Variants in PDE3B observed in about 807,000 individuals in gnomAD.
The protein encoded by PDE3B is phosphodiesterase 3B.
PDE3B carries 66 observed loss-of-function variants against 116.8 expected under a neutral mutation model. That is an observed-to-expected ratio of 0.56 (90% CI 0.46 to 0.69). PDE3B has a LOEUF of 0.69. PDE3B is among the 30% of genes least tolerant of loss of function. PDE3B has a pLI of 0.00. For missense variants in PDE3B, 1,384 were observed against 1,368.1 expected, an observed-to-expected ratio of 1.01 and a Z score of -0.18; for synonymous variants, 595 against 533.6, an observed-to-expected ratio of 1.12 and a Z score of -1.59.
At chr11:14,828,795 C>T (rs1398138362) in intron 7 of PDE3B, among the ~76,000 whole-genome samples, 1 of 152,166 alleles carries the variant, frequency 6.6e-6, no homozygotes, top group Non-Finnish European at 1.5e-5. Context: ...TCTGACCCAG[C>T]AATCCCATTA....
intron 4 of PDE3B, among the ~76,000 whole-genome samples, chr11:14,801,098 A>C (rs915905984): frequency 6.6e-6 from 1 of 152,120 alleles, no homozygotes; most frequent in Non-Finnish European, 1.5e-5. Flanking sequence ...GGATTAGAAC[A>C]TGCTCCTTTA....
chr11:14,786,634 CT>C lies in PDE3B; in HGVS notation c.1228del (p.Cys410ValfsTer4), dbSNP rs912632405. 1.9e-6 allele frequency: 3 copies of C among 1,612,498 alleles called. No individual in the cohort carries two copies. The highest frequency in any genetic ancestry group is 1.3e-5 in the African/African-American group (1 of 74,844). ...TCACACCATTTCCTGGATTTTACCC[CT>C]GTTCTGAAATAGAGGACCCAGCTGA... ...PLTPFPGFYPCSEIEDPAEKG... is the reference protein window; with the variant it reads ...PLTPFPGFYPXSEIEDPAEKG... On this transcript the variant is annotated frameshift_variant, in exon 3 of 16. Transcript: ENST00000282096. LOFTEE classifies it high-confidence loss of function.
chr11:14,890,967 G>C, the PDE3B span: 1 of 985,376 alleles, frequency 1.0e-6, no homozygotes, highest in Non-Finnish European at 1.2e-6. Flanking sequence ...GCCTGTGGCC[G>C]ATAATGAGAT....
At chr11:14,878,525 T>C in the PDE3B span, among the ~76,000 whole-genome samples, 2 of 152,272 alleles carry the variant, frequency 1.3e-5, no homozygotes, top group South Asian at 4.1e-4. Flanking sequence ...TGTAAGACTT[T>C]AGTTCCATCT....
At chr11:14,880,881 C>T in the PDE3B span, 2 of 979,238 alleles carry the variant, frequency 2.0e-6, no homozygotes, top group Non-Finnish European at 3.0e-6. Context: ...AATTGTCCTC[C>T]TATATAACTA....
intron 4 of PDE3B, among the ~76,000 whole-genome samples, chr11:14,802,102 T>C (rs1858789696): frequency 6.6e-6 from 1 of 152,234 alleles, no homozygotes; most frequent in Admixed American, 6.5e-5. Flanking sequence ...CCAGACCACT[T>C]GGCTCCCTGG....
At chr11:14,836,034 CA>C (rs1860042664) in intron 11 of PDE3B, among the ~76,000 whole-genome samples, 1 of 152,170 alleles carries the variant, frequency 6.6e-6, no homozygotes, top group Admixed American at 6.5e-5. Flanking sequence ...TTACTTTTTA[CA>C]TTTTGGTAGT....
chr11:14,853,114 G>GAC (rs34555721), intron 12 of PDE3B, among the ~76,000 whole-genome samples: 53,671 of 150,200 alleles, frequency 0.36, 10,839 homozygotes, highest in Admixed American at 0.46. Flanking sequence ...TGTTCTCCCT[G>GAC]CCCAGAGGGC....
chr11:14,882,788 T>C, the PDE3B span, among the ~76,000 whole-genome samples: 18 of 152,200 alleles, frequency 1.2e-4, no homozygotes, highest in African/African-American at 3.6e-4. Context: ...AAAACCCCAC[T>C]GTCTCAGCCC....
rs528196733 is a variant in PDE3B, at chr11:14,804,808, C to T, written c.1522+758C>T. Among the ~76,000 whole-genome samples the T allele has an allele frequency of 3.3e-3, 499 of 152,038 alleles. 2 individuals carry two copies. The highest frequency in any genetic ancestry group is 5.6e-3 in the Admixed American group (85 of 15,258). The stretch of plus-strand genomic sequence containing the variant: ...GAATAATGGCCAAAATGAATGGATA[C>T]TTCGAATAGAGAACTAGAACACATA... On this transcript the variant is annotated intron_variant, in intron 5 of 15. Transcript: ENST00000282096.
At chr11:14,771,292 G>C (rs1240326515) in intron 1 of PDE3B, among the ~76,000 whole-genome samples, 1 of 151,522 alleles carries the variant, frequency 6.6e-6, no homozygotes, top group Non-Finnish European at 1.5e-5. Flanking sequence ...TTATCTCCTT[G>C]GGCATAGTGA....
At chr11:14,676,037 T>A (rs1854522809) in intron 1 of PDE3B, among the ~76,000 whole-genome samples, 1 of 152,184 alleles carries the variant, frequency 6.6e-6, no homozygotes, top group Non-Finnish European at 1.5e-5. Flanking sequence ...ACATCCTCAC[T>A]AACATTTGAT....
chr11:14,844,961 G>C (rs1345536856), intron 12 of PDE3B, among the ~76,000 whole-genome samples: 7 of 152,204 alleles, frequency 4.6e-5, no homozygotes, highest in Admixed American at 3.9e-4. Flanking sequence ...AAATGTCCCC[G>C]TCTGACAGCT....
At chr11:14,730,840 CCTCTGTCA>C (rs1856436801) in intron 1 of PDE3B, among the ~76,000 whole-genome samples, 1 of 152,084 alleles carries the variant, frequency 6.6e-6, no homozygotes, top group Non-Finnish European at 1.5e-5. Context: ...TCAGATGTGA[CCTCTGTCA>C]CTCTGTCATC....
chr11:14,878,254 C>T, the PDE3B span: 2 of 1,613,000 alleles, frequency 1.2e-6, no homozygotes, highest in Non-Finnish European at 1.7e-6. Flanking sequence ...AAAACAAGAA[C>T]ATTTCCATCC....
the PDE3B span, chr11:14,891,155 A>C: frequency 7.1e-6 from 7 of 985,366 alleles, no homozygotes; most frequent in Admixed American, 4.3e-4. Context: ...ACACCCACAC[A>C]CAAGCGGTGG....
intron 1 of PDE3B, among the ~76,000 whole-genome samples, chr11:14,710,872 A>G (rs1855681031): frequency 1.3e-5 from 2 of 152,204 alleles, no homozygotes. Context: ...GATTTCTGTC[A>G]CTTGCAGTGA....
chr11:14,751,268 T>A (rs1196554436), intron 1 of PDE3B, among the ~76,000 whole-genome samples: 5 of 152,224 alleles, frequency 3.3e-5, no homozygotes, highest in African/African-American at 1.2e-4. Context: ...ACTTGCTAAG[T>A]CTTTCCAGGT....
At chr11:14,854,138 G>T (rs986221054) in intron 12 of PDE3B, among the ~76,000 whole-genome samples, 2 of 152,154 alleles carry the variant, frequency 1.3e-5, no homozygotes, top group African/African-American at 4.8e-5. Flanking sequence ...AATATTGACA[G>T]ATAAAACAAA....
Sources: allele counts gnomAD v4.1 joint callset (sites outside exome capture counted in the v4.1 genomes callset), GRCh38; gene constraint gnomAD v4.1.1; transcripts MANE v1.5; gene names NCBI Gene and HGNC (gene_info 2026-07-23, HGNC 2026-07-21).